The following KALRN variants were observed in gnomAD, a reference collection of about 807,000 sequenced individuals.
KALRN encodes kalirin.
KALRN carries 70 observed loss-of-function variants against 353.7 expected under a neutral mutation model. The ratio of observed to expected loss-of-function variants is 0.20; its 90% CI spans 0.16 to 0.24. The LOEUF is 0.24. Ranked by LOEUF, KALRN falls within the 10% of genes least tolerant of loss-of-function variation. The pLI is 1.00. For missense variants in KALRN, 2,791 were observed against 3,756.7 expected (o/e 0.74, Z 6.72); for synonymous variants, 1,391 against 1,434.8 (o/e 0.97, Z 0.69).
intron 13 of KALRN, among the ~76,000 whole-genome samples, chr3:124,411,993 G>C (rs1576703433): frequency 6.6e-6 from 1 of 152,164 alleles, no homozygotes; most frequent in East Asian, 1.9e-4. Context: ...GGCAGTGAGA[G>C]TGATATTTTC....
At chr3:124,253,285 C>T (rs2071434134) in intron 3 of KALRN, among the ~76,000 whole-genome samples, 1 of 152,320 alleles carries the variant, frequency 6.6e-6, no homozygotes, top group South Asian at 2.1e-4. Flanking sequence ...GTTTTCTCTA[C>T]AGAACTCCAG....
chr3:124,411,433 CTT>C (rs61485429), intron 13 of KALRN, among the ~76,000 whole-genome samples: 6,938 of 51,130 alleles, frequency 0.14, 459 homozygotes, highest in Middle Eastern at 0.21. Flanking sequence ...TTAAATTATG[CTT>C]TTTTTTTTTT....
At chr3:124,395,578 C>A in intron 12 of KALRN, 6 of 497,870 alleles carry the variant, frequency 1.2e-5, no homozygotes, top group South Asian at 3.4e-5. Context: ...TGTTATTCAG[C>A]CATCAGTAAG....
intron 3 of KALRN, among the ~76,000 whole-genome samples, chr3:124,248,077 A>G (rs1177400429): frequency 6.6e-6 from 1 of 152,226 alleles, no homozygotes; most frequent in Non-Finnish European, 1.5e-5. Context: ...CATCCCTTCT[A>G]TGAGATCTGA....
chr3:124,243,510 A>T (rs150420418), intron 3 of KALRN, among the ~76,000 whole-genome samples: 1 of 152,198 alleles, frequency 6.6e-6, no homozygotes, highest in Non-Finnish European at 1.5e-5. Flanking sequence ...AGCACTGGAC[A>T]AAAGAATTCC....
At chr3:124,229,922 G>A (rs2078969155) in intron 2 of KALRN, among the ~76,000 whole-genome samples, 1 of 152,244 alleles carries the variant, frequency 6.6e-6, no homozygotes, top group South Asian at 2.1e-4. Context: ...CACTGAAGAT[G>A]TTGAACAGGC....
intron 1 of KALRN, among the ~76,000 whole-genome samples, chr3:124,142,227 T>G (rs1186750442): frequency 6.6e-6 from 1 of 152,078 alleles, no homozygotes. Context: ...ATGCCTGAGG[T>G]CCAGAGATGT....
intron 1 of KALRN, among the ~76,000 whole-genome samples, chr3:124,078,059 G>A (rs1322900888): frequency 6.6e-6 from 1 of 152,198 alleles, no homozygotes; most frequent in African/African-American, 2.4e-5. Flanking sequence ...GGACCTCTAC[G>A]CTCTGGCCCC....
chr3:124,551,480 T>C (rs562121413), intron 33 of KALRN, among the ~76,000 whole-genome samples: 2 of 152,298 alleles, frequency 1.3e-5, no homozygotes, highest in South Asian at 4.1e-4. Context: ...CAGCTGGAGA[T>C]GGGCTCATGT....
rs1329645058 is a variant in KALRN, at chr3:124,079,120, C to CAGAT, written c.73+45310_73+45313dup. ...AGGCTGGGGTGTTTTTCTGACCCTA[C>CAGAT]AGATAGTTCTTCTTGGGTCGGGAAG... On this transcript the variant is annotated intron_variant, in intron 1 of 59. Transcript: ENST00000682506. Among the ~76,000 whole-genome samples, 7 of 152,280 alleles carry CAGAT rather than the reference C, an allele frequency of 4.6e-5. No homozygotes were observed. The East Asian group carries it at 1.3e-3, about 29-fold the overall frequency.
At chr3:124,048,699 G>A (rs937272874) in intron 1 of KALRN, among the ~76,000 whole-genome samples, 2 of 152,044 alleles carry the variant, frequency 1.3e-5, no homozygotes, top group African/African-American at 4.8e-5. Context: ...TAGCCAGATG[G>A]TCTCGATCTC....
At chr3:124,156,485 C>T (rs558435781) in intron 1 of KALRN, among the ~76,000 whole-genome samples, 191 of 152,278 alleles carry the variant, frequency 1.3e-3, no homozygotes, top group African/African-American at 4.5e-3. Flanking sequence ...TGTTCCCCGC[C>T]ATGTTAGCTG....
At chr3:124,226,845 G>C (rs995578690) in intron 1 of KALRN, among the ~76,000 whole-genome samples, 8 of 152,272 alleles carry the variant, frequency 5.3e-5, no homozygotes, top group Non-Finnish European at 8.8e-5. Flanking sequence ...AAGCCAAGTG[G>C]AGAAAGGCAC....
intron 12 of KALRN, among the ~76,000 whole-genome samples, chr3:124,396,589 G>A (rs761269371): frequency 3.9e-5 from 6 of 152,240 alleles, no homozygotes; most frequent in Non-Finnish European, 8.8e-5. Context: ...GTTCACTCTA[G>A]GAGCTCTGGC....
At chr3:124,164,953 C>G (rs1400733485) in intron 1 of KALRN, among the ~76,000 whole-genome samples, 1 of 152,166 alleles carries the variant, frequency 6.6e-6, no homozygotes, top group Non-Finnish European at 1.5e-5. Flanking sequence ...CTGGGCCTCT[C>G]CTTATATTTG....
At chr3:124,220,739 G>A (rs1393357834) in intron 1 of KALRN, among the ~76,000 whole-genome samples, 1 of 152,184 alleles carries the variant, frequency 6.6e-6, no homozygotes, top group South Asian at 2.1e-4. Context: ...TGTCCCAGCA[G>A]ATCCCAGGAG....
At chr3:124,646,314 G>A (rs12494927) in intron 37 of KALRN, among the ~76,000 whole-genome samples, 5,469 of 151,364 alleles carry the variant, frequency 0.036, 512 homozygotes, top group East Asian at 0.33. Flanking sequence ...TCTCCTCCCT[G>A]GACTGTTGGA....
chr3:124,523,613 G>A (rs972647134), intron 33 of KALRN, among the ~76,000 whole-genome samples: 4 of 152,168 alleles, frequency 2.6e-5, no homozygotes, highest in African/African-American at 4.8e-5. Context: ...TCTGTTTCAC[G>A]AAAGTACCCA....
chr3:124,064,584 A>C (rs908170362), intron 1 of KALRN, among the ~76,000 whole-genome samples: 1 of 152,170 alleles, frequency 6.6e-6, no homozygotes, highest in African/African-American at 2.4e-5. Context: ...CTCCCACCGC[A>C]CACACTGCCC....
Sources: allele counts gnomAD v4.1 joint callset (sites outside exome capture counted in the v4.1 genomes callset), GRCh38; gene constraint gnomAD v4.1.1; transcripts MANE v1.5; gene names NCBI Gene and HGNC (gene_info 2026-07-23, HGNC 2026-07-21).